Variants in CDHR2 observed in about 807,000 individuals in gnomAD.
CDHR2 encodes cadherin-related family member 2.
Under a neutral mutation model 138.6 loss-of-function variants are expected in CDHR2, and 104 were observed. The ratio of observed to expected loss-of-function variants is 0.75; its 90% CI spans 0.64 to 0.88. CDHR2 has a LOEUF of 0.88. CDHR2 is among the 40% of genes least tolerant of loss of function. The pLI, the probability that CDHR2 is intolerant of heterozygous loss-of-function variation, is 0.00. For synonymous variants in CDHR2, 755 were observed against 742.8 expected (o/e 1.02, Z -0.27); for missense variants, 1,624 against 1,727.6 (o/e 0.94, Z 1.06).
At chr5:176,571,524 A>G (rs1758229961) in intron 6 of CDHR2, among the ~76,000 whole-genome samples, 1 of 84,344 alleles carries the variant, frequency 1.2e-5, no homozygotes, top group South Asian at 4.5e-4. Context: ...GATGAAAGCA[A>G]AAAAAAAAAA....
chr5:176,589,543 C>G lies in CDHR2; in HGVS notation c.3133C>G (p.Gln1045Glu), dbSNP rs1455207960. Reference sequence around the variant, plus strand: ...CCCTTCCCAGCTCTTCACCGTGGACCAGAGTTACCGCTCGCGGCTGCAGTT... The same window carrying G: ...CCCTTCCCAGCTCTTCACCGTGGACGAGAGTTACCGCTCGCGGCTGCAGTT... ...TTTLNLFTVDQSYRSRLQFST... is the reference protein window; with the variant it reads ...TTTLNLFTVDESYRSRLQFST... Residue 1045 changes from glutamine to glutamate, a missense_variant, in exon 24 of 32, where the codon CAG becomes GAG. This residue lies in a region of CDHR2 where 556 missense variants were observed against 565.7 expected (regional missense o/e 0.98). Transcript: ENST00000261944. The G allele has an allele frequency of 6.2e-7, 1 of 1,614,108 alleles. No individual in the cohort carries two copies. Among genetic ancestry groups the G allele is most frequent in the Admixed American group, 1.7e-5 (1 of 60,020 alleles).
chr5:176,568,952 T>C lies in CDHR2; in HGVS notation c.265-8T>C. 6.2e-7 allele frequency: 1 copy of C among 1,614,016 alleles called. No homozygotes were observed. The highest frequency in any genetic ancestry group is 2.2e-5 in the East Asian group (1 of 44,876). On this transcript the variant is annotated splice_polypyrimidine_tract_variant and splice_region_variant and intron_variant, in intron 4 of 31. Coordinates refer to ENST00000261944, the MANE Select transcript of CDHR2 (RefSeq NM_017675.6). ...TCACCACCGGCCCCTTCTCTCTGGC[T>C]GCTGCAGACACTCTACACATTCAAA...
chr5:176,583,828 T>C (rs1447766504), intron 17 of CDHR2, among the ~76,000 whole-genome samples: 1 of 152,106 alleles, frequency 6.6e-6, no homozygotes, highest in Non-Finnish European at 1.5e-5. Flanking sequence ...ACACAATAAA[T>C]CCGAGAGATG....
chr5:176,569,311 T>G, intron 5 of CDHR2, among the ~76,000 whole-genome samples: 1 of 145,772 alleles, frequency 6.9e-6, no homozygotes, highest in Admixed American at 7.2e-5. Context: ...TGAGACGGAG[T>G]CTCGCTCTGT....
intron 17 of CDHR2, 95 bp from the exon 18 acceptor site, chr5:176,584,095 C>T: frequency 9.7e-7 from 1 of 1,029,930 alleles, no homozygotes; most frequent in South Asian, 1.3e-5. Flanking sequence ...CTAGTAGAGT[C>T]CATGCCTTGG....
At chr5:176,551,631 G>T (rs909070778) in intron 1 of CDHR2, among the ~76,000 whole-genome samples, 16 of 150,720 alleles carry the variant, frequency 1.1e-4, no homozygotes, top group African/African-American at 3.9e-4. Context: ...GCTGGACTGT[G>T]TTTGCTCCTT....
chr5:176,577,967 C>G lies in CDHR2; in HGVS notation c.1513-67C>G, dbSNP rs368858143. The G allele has an allele frequency of 1.6e-5, 25 of 1,523,358 alleles. No homozygotes were observed. In the African/African-American group the frequency reaches 3.0e-4, roughly 18 times the overall value. 94.4% of individuals were successfully genotyped at this position (1,523,358 alleles called of 1,614,324 possible). On this transcript the variant is annotated intron_variant, in intron 14 of 31. Coordinates refer to ENST00000261944, the MANE Select transcript of CDHR2 (RefSeq NM_017675.6). ...AGGAAGCACGACAGCTCTGTCCCCA[C>G]GAGCTGCATGGGTGGCGGTGCGTGC...
At position 176,589,528 on chromosome 5, in the gene CDHR2, C is replaced by T; in HGVS notation, c.3118C>T (p.Leu1040Phe). The T allele has an allele frequency of 6.2e-7, 1 of 1,614,132 alleles. No individual in the cohort carries two copies. Among genetic ancestry groups the T allele is most frequent in the Non-Finnish European group, 8.5e-7 (1 of 1,180,024 alleles). The stretch of plus-strand genomic sequence containing the variant: ...CATCTCCTGCACACCCCCTTCCCAG[C>T]TCTTCACCGTGGACCAGAGTTACCG... The part of the protein sequence containing the change: ...PFLEATTTLN[L>F]FTVDQSYRSR... Residue 1040 changes from leucine to phenylalanine, a missense_variant and splice_region_variant, in exon 24 of 32, where the codon CTC becomes TTC. Transcript: ENST00000261944.
intron 17 of CDHR2, among the ~76,000 whole-genome samples, chr5:176,582,464 G>C (rs1385761825): frequency 3.3e-5 from 5 of 152,168 alleles, no homozygotes; most frequent in African/African-American, 9.7e-5. Context: ...CACTGAGCCC[G>C]GTTTATTACC....
rs1236336546 is a variant in CDHR2 at position 176,575,511 on chromosome 5, C to T, written c.774C>T (p.Thr258=). ...ASVAEDAAKG[T]SVLTVEAVDG... is the part of the protein sequence containing the mutation. ...CTGACCAGGCCCCATTCCAGGGAAC[C>T]TCGGTGCTGACGGTGGAGGCTGTGG... The change falls in exon 10 of 32, where the codon ACC becomes ACT. Residue 258 remains threonine, a synonymous_variant. Transcript: ENST00000261944. The T allele has an allele frequency of 6.2e-7, 1 of 1,614,064 alleles. No individual in the cohort carries two copies. The highest frequency in any genetic ancestry group is 2.2e-5 in the East Asian group (1 of 44,894).
chr5:176,547,069 C>T (rs1025755568), upstream of CDHR2, among the ~76,000 whole-genome samples: 5 of 151,972 alleles, frequency 3.3e-5, no homozygotes, highest in Non-Finnish European at 7.4e-5. Context: ...ACCTCTGCCT[C>T]CCGGGTTCAA....
chr5:176,589,312 G>A lies in CDHR2; in HGVS notation c.3009-18G>A, dbSNP rs752698547. ...AGCTTGGGTTCCAAGACTGACCTGC[G>A]CCTCCCGCCTTCCGCAGGCCGGTGA... On this transcript the variant is annotated intron_variant, in intron 22 of 31. Coordinates refer to ENST00000261944, the MANE Select transcript of CDHR2 (RefSeq NM_017675.6). 47 of 1,555,562 alleles carry A rather than the reference G, an allele frequency of 3.0e-5. No homozygotes were observed. Among genetic ancestry groups the A allele is most frequent in the African/African-American group, 1.9e-4 (14 of 73,428 alleles).
At chr5:176,580,327 G>A (rs981927469) in intron 16 of CDHR2, among the ~76,000 whole-genome samples, 4 of 152,014 alleles carry the variant, frequency 2.6e-5, no homozygotes, top group Middle Eastern at 3.4e-3. Context: ...TCAGGAGTTC[G>A]AAACCAGCCT....
At chr5:176,581,665 C>T (rs1758537683) in intron 17 of CDHR2, 83 bp downstream of exon 17, 6 of 1,544,160 alleles carry the variant, frequency 3.9e-6, no homozygotes, top group South Asian at 1.2e-5. Context: ...CACTTCTGCC[C>T]TCTGCAGCCA....
chr5:176,546,087 G>A (rs1489346948), upstream of CDHR2, among the ~76,000 whole-genome samples: 1 of 152,246 alleles, frequency 6.6e-6, no homozygotes, highest in Non-Finnish European at 1.5e-5. Flanking sequence ...CATGGTCTGA[G>A]GCAGAGCGGG....
chr5:176,573,656 A>G (rs1449876074), intron 6 of CDHR2, among the ~76,000 whole-genome samples: 1 of 151,510 alleles, frequency 6.6e-6, no homozygotes, highest in African/African-American at 2.4e-5. Context: ...CAGGAAAAAA[A>G]AAAGGAGGTA....
At position 176,577,703 on chromosome 5, in the gene CDHR2, A is replaced by G; in HGVS notation, c.1417A>G (p.Ile473Val). Reference sequence around the variant, plus strand: ...CATGGTGACCATCCACCTTAGAGACATTAATGACCACAGGCCCACGTTTCC... The same window carrying G: ...CATGGTGACCATCCACCTTAGAGACGTTAATGACCACAGGCCCACGTTTCC... The part of the protein sequence containing the change: ...VAMVTIHLRD[I>V]NDHRPTFPQS... Residue 473 changes from isoleucine to valine, a missense_variant, in exon 14 of 32, where the codon ATT (isoleucine) becomes GTT (valine). Physicochemically the swap from Ile to Val is conservative, Grantham distance 29. Around this residue, in one of 3 missense-constraint regions of CDHR2, gnomAD observed 1,061 missense variants for 1,136.6 expected, o/e 0.93. Coordinates refer to ENST00000261944, the MANE Select transcript of CDHR2 (RefSeq NM_017675.6). The G allele has an allele frequency of 6.2e-7, 1 of 1,614,230 alleles. No individual in the cohort carries two copies. Among genetic ancestry groups the G allele is most frequent in the Non-Finnish European group, 8.5e-7 (1 of 1,180,042 alleles).
chr5:176,571,688 C>T (rs374931125), intron 6 of CDHR2, among the ~76,000 whole-genome samples: 3 of 152,160 alleles, frequency 2.0e-5, no homozygotes, highest in Non-Finnish European at 4.4e-5. Context: ...AGGCGCCCGC[C>T]ACCTCGCCCG....
At chr5:176,549,855 G>A (rs915105057) in intron 1 of CDHR2, among the ~76,000 whole-genome samples, 1 of 152,168 alleles carries the variant, frequency 6.6e-6, no homozygotes, top group African/African-American at 2.4e-5. Flanking sequence ...CTGGGCCTCC[G>A]TTTCCTCATT....
Sources: allele counts gnomAD v4.1 joint callset (sites outside exome capture counted in the v4.1 genomes callset), GRCh38; gene constraint gnomAD v4.1.1; regional missense constraint gnomAD v4.1.1; transcripts MANE v1.5; gene names NCBI Gene and HGNC (gene_info 2026-07-23, HGNC 2026-07-21).